Variants in CEMIP2 observed in about 807,000 individuals in gnomAD.
The protein encoded by CEMIP2 is cell migration inducing hyaluronidase 2.
CEMIP2 carries 79 observed loss-of-function variants against 146.9 expected under a neutral mutation model. That is an observed-to-expected ratio of 0.54 (90% CI 0.45 to 0.65). The LOEUF (loss-of-function observed/expected upper bound fraction) is 0.65, where lower values mean the gene tolerates loss of function less well. Ranked by LOEUF, CEMIP2 falls within the 30% of genes least tolerant of loss-of-function variation. The probability of loss-of-function intolerance (pLI) is 0.00; values close to 1 mark genes in which losing one functional copy is unlikely to be tolerated. For synonymous variants in CEMIP2, 601 were observed against 606.3 expected (o/e 0.99, Z 0.13); for missense variants, 1,596 against 1,696.2 (o/e 0.94, Z 1.04).
chr9:71,759,708 T>C (rs1564029403), intron 1 of CEMIP2, among the ~76,000 whole-genome samples: 1 of 152,100 alleles, frequency 6.6e-6, no homozygotes, highest in Non-Finnish European at 1.5e-5. Flanking sequence ...GGAGGTAGTC[T>C]TTATCTTGAA....
chr9:71,728,242 TATATATATGTATATA>T lies in CEMIP2; in HGVS notation c.2049+1588_2049+1602del, dbSNP rs1823462852. Among the ~76,000 whole-genome samples, 7 of 45,874 alleles carry T rather than the reference TATATATATGTATATA, an allele frequency of 1.5e-4. 1 individual carries two copies. Among genetic ancestry groups the T allele is most frequent in the African/African-American group, 2.4e-4 (4 of 16,550 alleles). 30.1% of individuals were successfully genotyped at this position (45,874 alleles called of 152,430 possible). The stretch of plus-strand genomic sequence containing the variant: ...CTCTCTCTCTCTCTCTATATATATA[TATATATATGTATATA>T]CACGTATATATATATATATATATGT... On this transcript the variant is annotated intron_variant, in intron 10 of 23. Coordinates refer to ENST00000377044, the MANE Select transcript of CEMIP2 (RefSeq NM_013390.3).
chr9:71,746,429 C>T, intron 2 of CEMIP2, 88 bp from the exon 3 acceptor site: 1 of 1,500,774 alleles, frequency 6.7e-7, no homozygotes, highest in East Asian at 2.3e-5. Context: ...TACTGCAGAT[C>T]TGCAAAAAAT....
upstream of CEMIP2, chr9:71,768,861 A>T (rs1824884994): frequency 7.5e-6 from 1 of 132,698 alleles, no homozygotes; most frequent in Non-Finnish European, 1.6e-5. Flanking sequence ...CCGGCCAGAC[A>T]AGCAGCCCGG....
chr9:71,765,017 C>T (rs1016788596), intron 1 of CEMIP2, among the ~76,000 whole-genome samples: 2 of 151,708 alleles, frequency 1.3e-5, no homozygotes, highest in African/African-American at 2.4e-5. Context: ...TGGATGTTAC[C>T]GTACAAAACC....
At chr9:71,768,299 G>T (rs1262405883) in intron 1 of CEMIP2, 58 bp downstream of exon 1, 1 of 149,324 alleles carries the variant, frequency 6.7e-6, no homozygotes, top group African/African-American at 2.5e-5. Flanking sequence ...AGTGGCCCCC[G>T]AGGGCAGCAA....
chr9:71,755,431 T>C (rs1300597962), intron 1 of CEMIP2, among the ~76,000 whole-genome samples: 1 of 151,294 alleles, frequency 6.6e-6, no homozygotes, highest in South Asian at 2.1e-4. Flanking sequence ...CCCTAGCTAC[T>C]CCGGAGGCGG....
chr9:71,718,641 A>G (rs1265020408), intron 12 of CEMIP2, among the ~76,000 whole-genome samples: 1 of 152,018 alleles, frequency 6.6e-6, no homozygotes, highest in Non-Finnish European at 1.5e-5. Flanking sequence ...CAGTGGCGCA[A>G]TCTTGGCTCA....
At position 71,728,293 on chromosome 9, in the gene CEMIP2, A is replaced by G. The variant is rs377460096; in HGVS notation, c.2049+1552T>C. Among the ~76,000 whole-genome samples, 7 of 39,572 alleles carry G rather than the reference A, an allele frequency of 1.8e-4. 1 individual carries two copies. The highest frequency in any genetic ancestry group is 6.6e-4 in the African/African-American group (7 of 10,668). The allele number at this position is 39,572 out of a possible 152,430, so 26.0% of individuals were successfully genotyped here. Reference sequence around the variant, plus strand: ...TATATATATATATGTATATATATATATATATATACATATATATATATATAC... The same window carrying G: ...TATATATATATATGTATATATATATGTATATATACATATATATATATATAC... On this transcript the variant is annotated intron_variant, in intron 10 of 23. Transcript: ENST00000377044.
At chr9:71,766,728 A>G (rs1824807311) in intron 1 of CEMIP2, among the ~76,000 whole-genome samples, 1 of 152,202 alleles carries the variant, frequency 6.6e-6, no homozygotes, top group Non-Finnish European at 1.5e-5. Flanking sequence ...GTCCACACAC[A>G]GGAGAGTCCT....
chr9:71,698,699 T>A (rs1191862378), intron 19 of CEMIP2, among the ~76,000 whole-genome samples: 1 of 152,216 alleles, frequency 6.6e-6, no homozygotes, highest in Non-Finnish European at 1.5e-5. Context: ...TCCTGTGATA[T>A]TTATGAAGAG....
At chr9:71,698,816 A>G (rs1301531027) in intron 19 of CEMIP2, among the ~76,000 whole-genome samples, 1 of 152,192 alleles carries the variant, frequency 6.6e-6, no homozygotes, top group Non-Finnish European at 1.5e-5. Flanking sequence ...GATGAATGAA[A>G]AAGTCTAACT....
intron 1 of CEMIP2, among the ~76,000 whole-genome samples, chr9:71,765,636 C>G (rs1824767604): frequency 6.6e-6 from 1 of 152,198 alleles, no homozygotes; most frequent in Admixed American, 6.5e-5. Context: ...TCCCCCACCC[C>G]CAACTGTTCC....
intron 6 of CEMIP2, among the ~76,000 whole-genome samples, chr9:71,734,113 G>T (rs1424919990): frequency 6.6e-6 from 1 of 152,204 alleles, no homozygotes; most frequent in African/African-American, 2.4e-5. Flanking sequence ...CTCCCAAAGT[G>T]CTGGGATTAT....
chr9:71,692,923 G>GACAACAACAACA (rs142273515), intron 21 of CEMIP2, among the ~76,000 whole-genome samples: 15,426 of 150,782 alleles, frequency 0.1, 1,446 homozygotes, highest in African/African-American at 0.25. Context: ...ACAAACAAAC[G>GACAACAACAACA]ACAACAACAA....
At chr9:71,715,235 T>A in intron 14 of CEMIP2, 146 bp from the exon 15 acceptor site, 2 of 425,906 alleles carry the variant, frequency 4.7e-6, no homozygotes, top group Non-Finnish European at 7.7e-6. Flanking sequence ...CTTCAGAAAC[T>A]GCTTTTTTTT....
At chr9:71,692,297 ATTTTT>A (rs10683724) in intron 21 of CEMIP2, among the ~76,000 whole-genome samples, 177 of 78,892 alleles carry the variant, frequency 2.2e-3, no homozygotes, top group African/African-American at 8.3e-3. Context: ...CCTGCCTGAT[ATTTTT>A]TTTTTTTTTT....
intron 1 of CEMIP2, among the ~76,000 whole-genome samples, chr9:71,757,261 C>T (rs1014903438): frequency 2.6e-5 from 4 of 152,186 alleles, no homozygotes; most frequent in Non-Finnish European, 5.9e-5. Flanking sequence ...TCTCTCAAAT[C>T]ACGCCTAGGC....
At chr9:71,688,156 C>T (rs1015702209) in intron 22 of CEMIP2, among the ~76,000 whole-genome samples, 2 of 152,152 alleles carry the variant, frequency 1.3e-5, no homozygotes, top group African/African-American at 2.4e-5. Flanking sequence ...TGTGCCTGAA[C>T]TCTTGGCCGG....
chr9:71,765,817 C>T (rs533495627), intron 1 of CEMIP2, among the ~76,000 whole-genome samples: 4 of 152,214 alleles, frequency 2.6e-5, no homozygotes, highest in Middle Eastern at 3.4e-3. Context: ...TGTGGCCTCC[C>T]GGGTTGCAAC....
Sources: allele counts gnomAD v4.1 joint callset (sites outside exome capture counted in the v4.1 genomes callset), GRCh38; gene constraint gnomAD v4.1.1; transcripts MANE v1.5; gene names NCBI Gene and HGNC (gene_info 2026-07-23, HGNC 2026-07-21).